Variants in TTC17 observed in about 807,000 individuals in gnomAD.
TTC17 encodes tetratricopeptide repeat domain 17.
Under a neutral mutation model 143.8 loss-of-function variants are expected in TTC17, and 58 were observed. That is an observed-to-expected ratio of 0.40 (90% CI 0.33 to 0.50). The LOEUF is 0.50. Among genes scored for constraint, TTC17 ranks in the 20% least tolerant of loss-of-function variants. The pLI is 0.49. For missense variants in TTC17, 1,273 were observed against 1,392.5 expected, an observed-to-expected ratio of 0.91 and a Z score of 1.37; for synonymous variants, 501 against 497.8, an observed-to-expected ratio of 1.01 and a Z score of -0.09.
At chr11:43,431,955 C>A (rs1028644301) in intron 16 of TTC17, among the ~76,000 whole-genome samples, 1 of 152,220 alleles carries the variant, frequency 6.6e-6, no homozygotes, top group African/African-American at 2.4e-5. Context: ...TGATGCCTCT[C>A]AATTCATTTG....
At chr11:43,486,743 A>G (rs996666536) in intron 21 of TTC17, among the ~76,000 whole-genome samples, 1 of 152,162 alleles carries the variant, frequency 6.6e-6, no homozygotes, top group Non-Finnish European at 1.5e-5. Flanking sequence ...TATGTTATAT[A>G]ATTATATATT....
At chr11:43,489,509 G>A (rs1948435266) in intron 21 of TTC17, among the ~76,000 whole-genome samples, 1 of 152,090 alleles carries the variant, frequency 6.6e-6, no homozygotes, top group South Asian at 2.1e-4. Context: ...AGGCCGAAGT[G>A]TGCAGATCAC....
chr11:43,387,122 G>A (rs1857198070), intron 2 of TTC17, among the ~76,000 whole-genome samples: 3 of 151,986 alleles, frequency 2.0e-5, no homozygotes, highest in South Asian at 2.1e-4. Context: ...CTATTGGGGG[G>A]AAAAAATAAG....
chr11:43,423,395 A>T (rs879533915), intron 16 of TTC17, among the ~76,000 whole-genome samples: 1 of 152,218 alleles, frequency 6.6e-6, no homozygotes, highest in South Asian at 2.1e-4. Flanking sequence ...TTCCCTCAGA[A>T]TGTGCAGGAT....
At chr11:43,363,143 C>T (rs1398294377) in intron 1 of TTC17, among the ~76,000 whole-genome samples, 4 of 152,164 alleles carry the variant, frequency 2.6e-5, no homozygotes, top group South Asian at 2.1e-4. Flanking sequence ...GGAGCACTAG[C>T]GTAATCAGGC....
intron 18 of TTC17, chr11:43,446,813 A>G: frequency 2.6e-6 from 1 of 387,340 alleles, no homozygotes; most frequent in Non-Finnish European, 3.5e-6. Flanking sequence ...GATTTGATGT[A>G]AGTAAAGGGC....
chr11:43,453,943 G>A (rs566223142), intron 21 of TTC17, among the ~76,000 whole-genome samples: 15 of 152,294 alleles, frequency 9.8e-5, no homozygotes, highest in Admixed American at 8.5e-4. Flanking sequence ...AGTATCAGCT[G>A]TTTACCCTTG....
intron 18 of TTC17, chr11:43,447,739 A>AT (rs1276073286): frequency 2.0e-5 from 7 of 345,506 alleles, no homozygotes; most frequent in Non-Finnish European, 3.1e-5. Flanking sequence ...TTAACCCCTT[A>AT]TTTCATGTTG....
At chr11:43,490,600 C>A in intron 22 of TTC17, 1 of 363,996 alleles carries the variant, frequency 2.7e-6, no homozygotes, top group Non-Finnish European at 4.9e-6. Flanking sequence ...CACTGTAAGA[C>A]AGTACTGCAT....
chr11:43,375,214 C>T (rs1247791126), intron 1 of TTC17, among the ~76,000 whole-genome samples: 2 of 152,130 alleles, frequency 1.3e-5, no homozygotes, highest in African/African-American at 4.8e-5. Context: ...TCTTTAGTAC[C>T]AGCTGACCTT....
chr11:43,388,487 T>G (rs1857252081), intron 2 of TTC17, among the ~76,000 whole-genome samples: 1 of 151,656 alleles, frequency 6.6e-6, no homozygotes, highest in African/African-American at 2.4e-5. Context: ...TTATAAGAAG[T>G]TAGAGATTTA....
At chr11:43,379,190 A>G (rs1456776383) in intron 1 of TTC17, 43 bp from the exon 2 acceptor site, 1 of 1,555,516 alleles carries the variant, frequency 6.4e-7, no homozygotes, top group Admixed American at 1.7e-5. Context: ...CCAAACCAGC[A>G]TTAATGAAAT....
At chr11:43,427,844 C>G (rs1014893946) in intron 16 of TTC17, among the ~76,000 whole-genome samples, 1 of 152,110 alleles carries the variant, frequency 6.6e-6, no homozygotes, top group Non-Finnish European at 1.5e-5. Flanking sequence ...ATACCCTCCC[C>G]CCAACATTTA....
In TTC17 at chr11:43,362,498, G is replaced by T. The variant is rs1314346610; in HGVS notation, c.159+3385G>T. The stretch of plus-strand genomic sequence containing the variant: ...CATCCTTTGGTGGGTTGAAAAGGGG[G>T]TTAAGTAAGAGCAAGGAGCATACAT... On this transcript the variant is annotated intron_variant, in intron 1 of 23. Transcript: ENST00000039989. 4.6e-5 allele frequency among the ~76,000 whole-genome samples: 7 copies of T among 152,172 alleles called. No homozygotes were observed. The East Asian group carries it at 1.3e-3, about 29-fold the overall frequency.
At chr11:43,404,708 C>A (rs1350045864) in intron 11 of TTC17, among the ~76,000 whole-genome samples, 2 of 152,098 alleles carry the variant, frequency 1.3e-5, no homozygotes, top group Non-Finnish European at 2.9e-5. Context: ...AGAATTTAAT[C>A]AAGGGTTTAA....
chr11:43,405,598 T>C lies in TTC17; in HGVS notation c.1564T>C (p.Tyr522His), dbSNP rs1375768007. The C allele has an allele frequency of 9.9e-6, 16 of 1,613,874 alleles. No individual in the cohort carries two copies. Among genetic ancestry groups the C allele is most frequent in the Non-Finnish European group, 1.2e-5 (14 of 1,179,910 alleles). The stretch of plus-strand genomic sequence containing the variant: ...CCCTGTTGGTGGGGAATTGCCAACG[T>C]ATTTTCTGCCTCCGGAAAACAAAGG... The part of the protein sequence containing the change: ...RVPVGGELPT[Y>H]FLPPENKGLR... The change falls in exon 12 of 24, where the codon TAT becomes CAT. Residue 522 changes from tyrosine (Y) to histidine (H), a missense_variant. Tyr to His is a moderately conservative substitution (Grantham distance 83). Coordinates refer to ENST00000039989, the MANE Select transcript of TTC17 (RefSeq NM_018259.6).
chr11:43,431,742 C>T (rs770328097), intron 16 of TTC17, among the ~76,000 whole-genome samples: 2 of 152,212 alleles, frequency 1.3e-5, no homozygotes, highest in South Asian at 2.1e-4. Context: ...CAGTGGCACA[C>T]GCCAGGAGGC....
intron 21 of TTC17, among the ~76,000 whole-genome samples, chr11:43,483,659 C>T (rs1291277444): frequency 2.0e-5 from 3 of 151,988 alleles, no homozygotes; most frequent in Admixed American, 1.3e-4. Flanking sequence ...CAATTCATAC[C>T]CATTTATAAT....
chr11:43,419,550 C>G (rs2134639801), intron 16 of TTC17, among the ~76,000 whole-genome samples: 1 of 152,294 alleles, frequency 6.6e-6, no homozygotes, highest in African/African-American at 2.4e-5. Flanking sequence ...TTGCTGCCCT[C>G]CAGTGGATTA....
Sources: allele counts gnomAD v4.1 joint callset (sites outside exome capture counted in the v4.1 genomes callset), GRCh38; gene constraint gnomAD v4.1.1; transcripts MANE v1.5; gene names NCBI Gene and HGNC (gene_info 2026-07-23, HGNC 2026-07-21).